Variants in HECW2 observed in about 807,000 individuals in gnomAD.
HECW2 encodes the protein HECT, C2 and WW domain containing E3 ubiquitin protein ligase 2.
A neutral mutation model predicts 175.2 loss-of-function variants in HECW2; 61 were observed. That is an observed-to-expected ratio of 0.35 (90% CI 0.28 to 0.43). The LOEUF (loss-of-function observed/expected upper bound fraction) is 0.43, where lower values mean the gene tolerates loss of function less well. HECW2 is among the 20% of genes least tolerant of loss of function. The pLI is 1.00. For missense variants in HECW2, 1,524 were observed against 2,000.5 expected (o/e 0.76, Z 4.54); for synonymous variants, 671 against 731.0 (o/e 0.92, Z 1.32).
chr2:196,311,522 T>G (rs1691496171), intron 10 of HECW2, among the ~76,000 whole-genome samples: 1 of 151,884 alleles, frequency 6.6e-6, no homozygotes, highest in Non-Finnish European at 1.5e-5. Context: ...AGCGGCCGGG[T>G]GCGGTGGCTC....
At chr2:196,574,746 A>G (rs957328660) in intron 1 of HECW2, among the ~76,000 whole-genome samples, 4 of 152,214 alleles carry the variant, frequency 2.6e-5, no homozygotes, top group Non-Finnish European at 1.5e-5. Flanking sequence ...GAGCAACACT[A>G]AAGGCACCAC....
intron 2 of HECW2, among the ~76,000 whole-genome samples, chr2:196,350,904 G>C (rs952142994): frequency 3.9e-5 from 6 of 152,216 alleles, no homozygotes; most frequent in African/African-American, 1.2e-4. Context: ...GTCTTTGGAA[G>C]AGTTTACGGA....
intron 2 of HECW2, among the ~76,000 whole-genome samples, chr2:196,424,322 G>A (rs939327513): frequency 2.6e-5 from 4 of 151,830 alleles, no homozygotes; most frequent in African/African-American, 9.7e-5. Context: ...TTGAAATTAG[G>A]CCAATTAATA....
intron 10 of HECW2, among the ~76,000 whole-genome samples, chr2:196,311,654 A>G (rs1691501912): frequency 6.6e-6 from 1 of 152,080 alleles, no homozygotes; most frequent in South Asian, 2.1e-4. Flanking sequence ...AAATTCAGCC[A>G]GGGGTGGTGG....
At chr2:196,281,871 C>T (rs888512928) in intron 14 of HECW2, among the ~76,000 whole-genome samples, 1 of 152,080 alleles carries the variant, frequency 6.6e-6, no homozygotes, top group African/African-American at 2.4e-5. Flanking sequence ...GTTTGCTACT[C>T]ACTAGCAATG....
chr2:196,424,321 G>C (rs1386123548), intron 2 of HECW2, among the ~76,000 whole-genome samples: 1 of 151,784 alleles, frequency 6.6e-6, no homozygotes, highest in Non-Finnish European at 1.5e-5. Context: ...ATTGAAATTA[G>C]GCCAATTAAT....
chr2:196,545,212 G>A (rs1296084799), intron 1 of HECW2, among the ~76,000 whole-genome samples: 3 of 152,148 alleles, frequency 2.0e-5, no homozygotes, highest in African/African-American at 7.2e-5. Flanking sequence ...TTACCTCTGG[G>A]AACCATTCAT....
intron 2 of HECW2, among the ~76,000 whole-genome samples, chr2:196,379,694 AAAAAAAAAAC>A (rs199546103): frequency 0.7 from 97,781 of 139,386 alleles, 36,321 homozygotes; most frequent in East Asian, 0.85. Flanking sequence ...CAAAAAAAAA[AAAAAAAAAAC>A]AAAAAGATTA....
At chr2:196,539,865 G>A (rs1689152483) in intron 1 of HECW2, among the ~76,000 whole-genome samples, 1 of 152,182 alleles carries the variant, frequency 6.6e-6, no homozygotes, top group African/African-American at 2.4e-5. Flanking sequence ...TCTGAGCACT[G>A]CAAGGATATG....
At chr2:196,470,863 T>C (rs535052556) in intron 1 of HECW2, among the ~76,000 whole-genome samples, 3 of 151,846 alleles carry the variant, frequency 2.0e-5, no homozygotes, top group African/African-American at 7.2e-5. Context: ...CCTGAATATA[T>C]ATAGAATGTA....
chr2:196,445,728 T>C (rs1696163275), intron 1 of HECW2, among the ~76,000 whole-genome samples: 1 of 152,086 alleles, frequency 6.6e-6, no homozygotes, highest in South Asian at 2.1e-4. Flanking sequence ...AATGAGAAAA[T>C]CTGAGGTGGA....
intron 1 of HECW2, among the ~76,000 whole-genome samples, chr2:196,438,978 C>T (rs1202103945): frequency 6.6e-6 from 1 of 152,148 alleles, no homozygotes; most frequent in Non-Finnish European, 1.5e-5. Context: ...ATTCCTTTAA[C>T]AAACTCTCAT....
chr2:196,593,325 G>A (rs1372875128), intron 1 of HECW2, among the ~76,000 whole-genome samples, 183 bp downstream of exon 1: 1 of 150,668 alleles, frequency 6.6e-6, no homozygotes, highest in African/African-American at 2.4e-5. Context: ...GGCCGAGCGC[G>A]GCGCGGCCCC....
At chr2:196,530,872 T>C (rs2125451191) in intron 1 of HECW2, among the ~76,000 whole-genome samples, 1 of 152,302 alleles carries the variant, frequency 6.6e-6, no homozygotes, top group East Asian at 1.9e-4. Flanking sequence ...TTAAAGTATG[T>C]CCTAATACTA....
At chr2:196,250,227 C>T (rs1688805400) in intron 19 of HECW2, among the ~76,000 whole-genome samples, 1 of 152,192 alleles carries the variant, frequency 6.6e-6, no homozygotes, top group Non-Finnish European at 1.5e-5. Flanking sequence ...AGGGATGGTC[C>T]ACTTTAAACC....
chr2:196,512,314 C>T (rs1261194825), intron 1 of HECW2, among the ~76,000 whole-genome samples: 3 of 152,210 alleles, frequency 2.0e-5, no homozygotes, highest in African/African-American at 7.2e-5. Flanking sequence ...TGTGACCCAC[C>T]ACTTTGCAAC....
chr2:196,290,704 C>T (rs992789890), intron 14 of HECW2: 6 of 152,288 alleles, frequency 3.9e-5, no homozygotes, highest in African/African-American at 1.2e-4. Flanking sequence ...CTGTGCCCTT[C>T]CATCCAATGG....
chr2:196,254,996 C>A, intron 18 of HECW2, among the ~76,000 whole-genome samples: 1 of 138,242 alleles, frequency 7.2e-6, no homozygotes, highest in African/African-American at 2.7e-5. Flanking sequence ...TTTTCTGAGA[C>A]AGAGTCTAGC....
chr2:196,562,768 G>C (rs568430035), intron 1 of HECW2, among the ~76,000 whole-genome samples: 2 of 152,290 alleles, frequency 1.3e-5, no homozygotes, highest in South Asian at 2.1e-4. Context: ...CTTTGGCCAG[G>C]GTTGGTGGCT....
Sources: allele counts gnomAD v4.1 joint callset (sites outside exome capture counted in the v4.1 genomes callset), GRCh38; gene constraint gnomAD v4.1.1; transcripts MANE v1.5; gene names NCBI Gene and HGNC (gene_info 2026-07-23, HGNC 2026-07-21).